The following USP3 variants were observed in gnomAD, a reference collection of about 807,000 sequenced individuals.
The protein encoded by USP3 is ubiquitin carboxyl-terminal hydrolase 3.
Under a neutral mutation model 72.3 loss-of-function variants are expected in USP3, and 20 were observed. The observed-to-expected ratio is 0.28, with a 90% CI of 0.19 to 0.40. USP3 has a LOEUF of 0.40. Among genes scored for constraint, USP3 ranks in the 10% least tolerant of loss-of-function variants. The pLI is 1.00. For synonymous variants in USP3, 222 were observed against 225.3 expected, an observed-to-expected ratio of 0.99 and a Z score of 0.13; for missense variants, 479 against 633.9, an observed-to-expected ratio of 0.76 and a Z score of 2.62.
chr15:63,518,478 C>T (rs1056192290), intron 1 of USP3, among the ~76,000 whole-genome samples: 3 of 152,106 alleles, frequency 2.0e-5, no homozygotes, highest in African/African-American at 7.2e-5. Context: ...TAACCTTCTC[C>T]CTTGTGTTTT....
At chr15:63,559,333 G>T (rs906596324) in intron 6 of USP3, among the ~76,000 whole-genome samples, 2 of 152,194 alleles carry the variant, frequency 1.3e-5, no homozygotes, top group African/African-American at 4.8e-5. Context: ...CAGAATAAAT[G>T]ATCTTCCCAA....
chr15:63,556,529 G>A, intron 4 of USP3, 138 bp from the exon 5 acceptor site: 2 of 543,444 alleles, frequency 3.7e-6, no homozygotes, highest in Non-Finnish European at 3.3e-6. Context: ...AATACGTGTG[G>A]GCCCCAGTAG....
intron 3 of USP3, among the ~76,000 whole-genome samples, chr15:63,540,456 G>A (rs766828794): frequency 2.0e-5 from 3 of 152,180 alleles, no homozygotes; most frequent in South Asian, 2.1e-4. Flanking sequence ...GGTGACATAC[G>A]TTTGAAAGAC....
rs932609120 is a variant in USP3, at chr15:63,574,515, T to C, written c.1096+112T>C. On this transcript the variant is annotated intron_variant, in intron 11 of 14. Coordinates refer to ENST00000380324, the MANE Select transcript of USP3 (RefSeq NM_006537.4). The surrounding 1 kb of genome is among the most constrained non-coding windows in gnomAD (Gnocchi z 4.6). Reference sequence around the variant, plus strand: ...TAATATCTTTAATGAATCTGTGTTGTAACTTAACAAAAGTCAAACTTGAAT... The same window carrying C: ...TAATATCTTTAATGAATCTGTGTTGCAACTTAACAAAAGTCAAACTTGAAT... The C allele has an allele frequency of 2.6e-6, 2 of 772,946 alleles. No individual in the cohort carries two copies. Among genetic ancestry groups the C allele is most frequent in the African/African-American group, 1.8e-5 (1 of 54,754 alleles). The allele number at this position is 772,946 out of a possible 1,614,324, so 47.9% of individuals were successfully genotyped here.
At position 63,536,254 on chromosome 15, in the gene USP3, C is replaced by G. The variant is rs550090163; in HGVS notation, c.153-771C>G. Among the ~76,000 whole-genome samples, 19 of 152,178 alleles carry G rather than the reference C, an allele frequency of 1.2e-4. 1 individual carries two copies. Among genetic ancestry groups the G allele is most frequent in the Non-Finnish European group, 1.9e-4 (13 of 68,006 alleles). On this transcript the variant is annotated intron_variant, in intron 2 of 14. Coordinates refer to ENST00000380324, the MANE Select transcript of USP3 (RefSeq NM_006537.4). ...CAAACATGTTTCCATATGAGAGGAGCTGATTATTCAGGCATTCAAATAAAA... is the reference window on the plus strand; with the variant it reads ...CAAACATGTTTCCATATGAGAGGAGGTGATTATTCAGGCATTCAAATAAAA...
At chr15:63,589,195 GTAAA>G in intron 14 of USP3, 184 bp downstream of exon 14, 1 of 608,272 alleles carries the variant, frequency 1.6e-6, no homozygotes. Flanking sequence ...TTAAGGGAAG[GTAAA>G]TAAAAGTGAA....
intron 1 of USP3, chr15:63,515,371 C>A (rs2065837727): frequency 6.6e-6 from 1 of 152,196 alleles, no homozygotes; most frequent in African/African-American, 2.4e-5. Context: ...ATGGTGAAAG[C>A]ATAAGGAATC....
At chr15:63,557,994 A>G (rs765332922) in intron 5 of USP3, 112 bp from the exon 6 acceptor site, 46 of 978,886 alleles carry the variant, frequency 4.7e-5, no homozygotes, top group Non-Finnish European at 7.2e-5. Context: ...GAAAAGGACC[A>G]ATTCCAAATT....
intron 1 of USP3, among the ~76,000 whole-genome samples, chr15:63,514,298 GA>G (rs1351366346): frequency 2.1e-4 from 32 of 151,886 alleles, no homozygotes; most frequent in African/African-American, 7.7e-4. Flanking sequence ...GGTCATGTTT[GA>G]AAATTCTATC....
At chr15:63,585,902 A>G (rs1206589853) in intron 11 of USP3, among the ~76,000 whole-genome samples, 1 of 151,504 alleles carries the variant, frequency 6.6e-6, no homozygotes, top group East Asian at 1.9e-4. Flanking sequence ...TAAACTTTAG[A>G]GTAATTTTGT....
In USP3 at chr15:63,528,922, A is replaced by G. The variant is rs560610156; in HGVS notation, c.92-3725A>G. The G allele has an allele frequency of 1.5e-5, 15 of 977,436 alleles. 1 individual carries two copies. The South Asian group carries it at 2.3e-4, about 15-fold the overall frequency. 60.5% of individuals were successfully genotyped at this position (977,436 alleles called of 1,614,324 possible). ...CATTAAAGGTTCTTAATTTGGATGA[A>G]GCATGTATAAACAGAGTGAATATTC... On this transcript the variant is annotated intron_variant, in intron 1 of 14. Coordinates refer to ENST00000380324, the MANE Select transcript of USP3 (RefSeq NM_006537.4). The surrounding 1 kb of genome is among the most constrained non-coding windows in gnomAD (Gnocchi z 4.3).
chr15:63,518,437 A>G (rs934291680), intron 1 of USP3, among the ~76,000 whole-genome samples: 1 of 152,184 alleles, frequency 6.6e-6, no homozygotes, highest in Non-Finnish European at 1.5e-5. Context: ...TGCCAGGTTT[A>G]TAGGATTTTT....
chr15:63,506,487 T>A (rs2152644939), intron 1 of USP3, among the ~76,000 whole-genome samples: 1 of 152,336 alleles, frequency 6.6e-6, no homozygotes, highest in Admixed American at 6.5e-5. Context: ...TTAGCACACT[T>A]CTGGCATTTT....
chr15:63,588,528 T>C lies in USP3; in HGVS notation c.1215+105T>C, dbSNP rs1419601928. ...CTATGTGAACTGTTCTGTATTTTTC[T>C]CTAGGATTTTCAGTAAAAGCTAAAC... is the stretch of plus-strand genomic sequence containing the variant. On this transcript the variant is annotated intron_variant, in intron 12 of 14. Transcript: ENST00000380324. The surrounding 1 kb of genome is among the most constrained non-coding windows in gnomAD (Gnocchi z 4.6). 12 of 1,031,568 alleles carry C rather than the reference T, an allele frequency of 1.2e-5. No homozygotes were observed. The highest frequency in any genetic ancestry group is 4.7e-4 in the Middle Eastern group (2 of 4,284). 63.9% of individuals were successfully genotyped at this position (1,031,568 alleles called of 1,614,324 possible).
intron 1 of USP3, among the ~76,000 whole-genome samples, chr15:63,511,767 A>G (rs1389514692): frequency 6.6e-6 from 1 of 152,028 alleles, no homozygotes; most frequent in African/African-American, 2.4e-5. Flanking sequence ...AGGGTGGAGG[A>G]AGGAGAGAAT....
intron 3 of USP3, among the ~76,000 whole-genome samples, chr15:63,543,838 A>G (rs988370063): frequency 5.9e-5 from 9 of 152,228 alleles, no homozygotes; most frequent in African/African-American, 2.2e-4. Flanking sequence ...TTTAAAAATT[A>G]ACATGAAGAT....
At chr15:63,580,843 C>G (rs978130789) in intron 11 of USP3, among the ~76,000 whole-genome samples, 1 of 151,868 alleles carries the variant, frequency 6.6e-6, no homozygotes, top group Non-Finnish European at 1.5e-5. Context: ...GAGTCTTGCT[C>G]TGTCACCCAG....
intron 1 of USP3, among the ~76,000 whole-genome samples, chr15:63,510,800 C>T (rs577289275): frequency 1.3e-5 from 2 of 152,156 alleles, no homozygotes; most frequent in Admixed American, 6.5e-5. Flanking sequence ...GCCAAGACCC[C>T]TCAAGATGCT....
intron 1 of USP3, among the ~76,000 whole-genome samples, chr15:63,518,918 A>G (rs1360145866): frequency 6.6e-6 from 1 of 151,842 alleles, no homozygotes; most frequent in African/African-American, 2.4e-5. Flanking sequence ...GGCACTCACC[A>G]CCACGCCCGG....
Sources: allele counts gnomAD v4.1 joint callset (sites outside exome capture counted in the v4.1 genomes callset), GRCh38; gene constraint gnomAD v4.1.1; non-coding constraint Gnocchi (gnomAD v3.1); transcripts MANE v1.5; gene names NCBI Gene and HGNC (gene_info 2026-07-23, HGNC 2026-07-21).